Variants in UBE2W observed in about 807,000 individuals in gnomAD.
UBE2W encodes ubiquitin-conjugating enzyme E2 W.
Under a neutral mutation model 27.2 loss-of-function variants are expected in UBE2W, and 18 were observed. That is an observed-to-expected ratio of 0.66 (90% CI 0.46 to 0.98). UBE2W has a LOEUF of 0.98. UBE2W is among the 50% of genes least tolerant of loss of function. The pLI is 0.00. For missense variants in UBE2W, 90 were observed against 180.2 expected, an observed-to-expected ratio of 0.50 and a Z score of 2.87; for synonymous variants, 53 against 57.2, an observed-to-expected ratio of 0.93 and a Z score of 0.33.
intron 2 of UBE2W, among the ~76,000 whole-genome samples, chr8:73,826,304 G>C (rs1422079429): frequency 6.6e-6 from 1 of 152,146 alleles, no homozygotes; most frequent in Non-Finnish European, 1.5e-5. Context: ...TGACAGCAAA[G>C]ATAACAGGGC....
intron 1 of UBE2W, among the ~76,000 whole-genome samples, chr8:73,878,298 T>C (rs1013221282): frequency 6.6e-6 from 1 of 152,176 alleles, no homozygotes; most frequent in Non-Finnish European, 1.5e-5. Flanking sequence ...GGGCCCGGCG[T>C]GGGAGGCCGG....
chr8:73,864,073 T>A (rs1017979853), intron 1 of UBE2W, among the ~76,000 whole-genome samples: 2 of 152,132 alleles, frequency 1.3e-5, no homozygotes, highest in Admixed American at 1.3e-4. Flanking sequence ...ACTTCAATAC[T>A]TCCAAATCAA....
chr8:73,833,256 TTTC>T (rs1810161099), intron 1 of UBE2W, among the ~76,000 whole-genome samples: 1 of 150,210 alleles, frequency 6.7e-6, no homozygotes, highest in Admixed American at 6.6e-5. Context: ...ACAGACAAGC[TTTC>T]CAGAGAAACT....
At chr8:73,878,644 C>T (rs958145684) in intron 1 of UBE2W, among the ~76,000 whole-genome samples, 164 bp downstream of exon 1, 8 of 152,216 alleles carry the variant, frequency 5.3e-5, no homozygotes, top group East Asian at 1.9e-4. Context: ...CCTCTCGCCG[C>T]CTCTTACCCC....
chr8:73,868,703 T>TG (rs985787165), intron 1 of UBE2W, among the ~76,000 whole-genome samples: 3 of 129,824 alleles, frequency 2.3e-5, no homozygotes, highest in African/African-American at 3.4e-5. Context: ...TTGCTTGGTG[T>TG]GAAAAAAAAA....
At chr8:73,808,241 T>C (rs760901768) in intron 4 of UBE2W, among the ~76,000 whole-genome samples, 32 of 151,772 alleles carry the variant, frequency 2.1e-4, no homozygotes, top group Non-Finnish European at 3.7e-4. Flanking sequence ...AATACTTTTC[T>C]TTTTTCTTTT....
intron 1 of UBE2W, among the ~76,000 whole-genome samples, chr8:73,840,622 CA>C (rs1239105932): frequency 2.0e-5 from 3 of 152,126 alleles, no homozygotes; most frequent in Non-Finnish European, 4.4e-5. Context: ...AAAAACAAAG[CA>C]AGTAAGTATC....
chr8:73,846,938 C>T (rs1244293550), intron 1 of UBE2W, among the ~76,000 whole-genome samples: 7 of 152,104 alleles, frequency 4.6e-5, no homozygotes, highest in East Asian at 1.9e-4. Context: ...TTTGGGAGGC[C>T]GAGGCGGGTG....
rs1323233735 is a variant in UBE2W, at chr8:73,844,604, G to A, written c.16-14132C>T. ...AAGTGAGGAGCGTCTCTGCCTGGCC[G>A]CCCATCGTCTGGGATGTGAGGAGCC... is the stretch of plus-strand genomic sequence containing the variant. On this transcript the variant is annotated intron_variant, in intron 1 of 5. Coordinates refer to ENST00000602593, the MANE Select transcript of UBE2W (RefSeq NM_018299.6). Among the ~76,000 whole-genome samples, 23 of 151,654 alleles carry A rather than the reference G, an allele frequency of 1.5e-4. No individual in the cohort carries two copies. The East Asian group carries it at 2.9e-3, about 19-fold the overall frequency.
At position 73,805,472 on chromosome 8, in the gene UBE2W, C is replaced by CAAAAAAAAAAAAAAAAAAAAA; in HGVS notation, c.442+178_442+179insTTTTTTTTTTTTTTTTTTTTT. ...TCCATCTCAAAAAAAAAAAAAAAAA[C>CAAAAAAAAAAAAAAAAAAAAA]AAAAAAAACTAGGGTAATTCATCCA... is the stretch of plus-strand genomic sequence containing the variant. On this transcript the variant is annotated intron_variant, in intron 5 of 5. Transcript: ENST00000602593. Among the ~76,000 whole-genome samples the CAAAAAAAAAAAAAAAAAAAAA allele has an allele frequency of 1.5e-3, 64 of 43,678 alleles. 5 individuals carry two copies. The highest frequency in any genetic ancestry group is 2.2e-3 in the East Asian group (2 of 906). The allele number at this position is 43,678 out of a possible 152,430, so 28.7% of individuals were successfully genotyped here.
chr8:73,852,619 AT>A (rs1479068197), intron 1 of UBE2W, among the ~76,000 whole-genome samples: 4 of 152,238 alleles, frequency 2.6e-5, no homozygotes, highest in African/African-American at 9.6e-5. Context: ...TACAATTCAA[AT>A]TTTTTTACCT....
intron 1 of UBE2W, 94 bp downstream of exon 1, chr8:73,878,714 G>C: frequency 8.6e-7 from 1 of 1,157,178 alleles, no homozygotes; most frequent in Non-Finnish European, 1.3e-6. Flanking sequence ...GAACCCGCCC[G>C]GGTGTCCCCG....
Position 73,790,388 on chromosome 8 carries a change from C to A in UBE2W, c.*3714G>T. On this transcript the variant is annotated 3_prime_UTR_variant, in exon 6 of 6. Coordinates refer to ENST00000602593, the MANE Select transcript of UBE2W (RefSeq NM_018299.6). The stretch of plus-strand genomic sequence containing the variant: ...TTCACAGACCTCAATCATGCACAGG[C>A]AGTAACGGCATTACTATAACACAGA... 1.0e-6 allele frequency: 1 copy of A among 985,336 alleles called. No individual in the cohort carries two copies. The highest frequency in any genetic ancestry group is 1.2e-6 in the Non-Finnish European group (1 of 829,916). The allele number at this position is 985,336 out of a possible 1,614,324, so 61.0% of individuals were successfully genotyped here.
At chr8:73,783,797 C>T (rs894133793), downstream of UBE2W, among the ~76,000 whole-genome samples, 2 of 152,138 alleles carry the variant, frequency 1.3e-5, no homozygotes, top group Non-Finnish European at 2.9e-5. Flanking sequence ...GAGGCTTGCT[C>T]GGTTGCCCAG....
intron 1 of UBE2W, among the ~76,000 whole-genome samples, chr8:73,846,631 T>C (rs1215366485): frequency 2.6e-5 from 4 of 152,164 alleles, no homozygotes. Context: ...AAAAAAATTT[T>C]TGGTTTTTAG....
chr8:73,781,619 G>GTTTT (rs112691687), downstream of UBE2W, among the ~76,000 whole-genome samples: 3 of 140,872 alleles, frequency 2.1e-5, no homozygotes, highest in Non-Finnish European at 3.1e-5. Flanking sequence ...TCAGGTTTGG[G>GTTTT]TTTTTTTTTT....
intron 5 of UBE2W, chr8:73,795,786 C>G: frequency 1.0e-6 from 1 of 984,558 alleles, no homozygotes. Context: ...CTAAAGTTCA[C>G]TCACAATTTT....
chr8:73,786,169 G>T, downstream of UBE2W: 1 of 951,108 alleles, frequency 1.1e-6, no homozygotes, highest in Non-Finnish European at 1.3e-6. Flanking sequence ...CAAGCAATTT[G>T]CCTCAGAGAT....
chr8:73,845,770 CA>C (rs1368796652), intron 1 of UBE2W, among the ~76,000 whole-genome samples: 1 of 150,680 alleles, frequency 6.6e-6, no homozygotes, highest in Non-Finnish European at 1.5e-5. Flanking sequence ...AGATTAGCTA[CA>C]AAGTTATAGA....
Sources: gnomAD v4.1 joint callset for allele counts (sites outside exome capture counted in the v4.1 genomes callset) on GRCh38, gnomAD v4.1.1 for gene constraint, MANE v1.5 for transcripts, NCBI Gene and HGNC (gene_info 2026-07-23, HGNC 2026-07-21) for gene names.